The following DGKB variants were observed in gnomAD, a reference collection of about 807,000 sequenced individuals.
DGKB encodes the protein diacylglycerol kinase beta.
DGKB carries 67 observed loss-of-function variants against 114.3 expected under a neutral mutation model. The observed-to-expected ratio is 0.59, with a 90% confidence interval of 0.48 to 0.72. DGKB has a LOEUF of 0.72. Among genes scored for constraint, DGKB ranks in the 30% least tolerant of loss-of-function variants. The pLI, the probability that DGKB is intolerant of heterozygous loss-of-function variation, is 0.00. For synonymous variants in DGKB, 398 were observed against 323.1 expected, an observed-to-expected ratio of 1.23 and a Z score of -2.49; for missense variants, 907 against 975.2, an observed-to-expected ratio of 0.93 and a Z score of 0.93.
chr7:14,554,670 G>C (rs1795616954), intron 20 of DGKB, among the ~76,000 whole-genome samples: 1 of 152,072 alleles, frequency 6.6e-6, no homozygotes, highest in Non-Finnish European at 1.5e-5. Context: ...CAATAAGTAT[G>C]ACAGCATCAT....
chr7:14,325,942 T>G (rs1347813357), intron 23 of DGKB, among the ~76,000 whole-genome samples: 2 of 152,164 alleles, frequency 1.3e-5, no homozygotes, highest in African/African-American at 4.8e-5. Context: ...CATTTCTATT[T>G]AATCATTGTT....
intron 23 of DGKB, among the ~76,000 whole-genome samples, chr7:14,308,107 A>G (rs1804781036): frequency 1.3e-5 from 2 of 152,104 alleles, no homozygotes; most frequent in Non-Finnish European, 2.9e-5. Context: ...TTTTCTTTTT[A>G]TGTACTTCAA....
chr7:14,311,348 A>G (rs563688283), intron 23 of DGKB, among the ~76,000 whole-genome samples: 20 of 152,172 alleles, frequency 1.3e-4, no homozygotes, highest in Non-Finnish European at 2.4e-4. Flanking sequence ...GGTAGTTGGC[A>G]GATCCCCCAC....
At chr7:14,469,984 C>T (rs1366422889) in intron 21 of DGKB, among the ~76,000 whole-genome samples, 1 of 151,646 alleles carries the variant, frequency 6.6e-6, no homozygotes, top group Non-Finnish European at 1.5e-5. Flanking sequence ...TATAGGCAAA[C>T]CGTAATTTAG....
intron 21 of DGKB, among the ~76,000 whole-genome samples, chr7:14,476,819 A>G (rs940171385): frequency 3.3e-5 from 5 of 150,386 alleles, no homozygotes; most frequent in African/African-American, 1.2e-4. Flanking sequence ...CAATGGTGCA[A>G]TCTCAGCTCA....
chr7:14,807,060 A>G (rs1314543157), intron 2 of DGKB, among the ~76,000 whole-genome samples: 1 of 152,038 alleles, frequency 6.6e-6, no homozygotes. Flanking sequence ...AAAAAAAAAT[A>G]AAAAGCTGAG....
At chr7:14,340,168 T>C (rs1811372244) in intron 22 of DGKB, among the ~76,000 whole-genome samples, 1 of 150,244 alleles carries the variant, frequency 6.7e-6, no homozygotes, top group African/African-American at 2.4e-5. Context: ...GCTTTTTTTT[T>C]TTTTTTTTTT....
Position 14,656,753 on chromosome 7 carries a change from T to TACAC in DGKB, c.1134+16172_1134+16175dup, listed in dbSNP as rs56208974. ...ATATACAGTATATATATAGGATATA[T>TACAC]ACACACACACACACACACATATCCT... On this transcript the variant is annotated intron_variant, in intron 13 of 25. Transcript: ENST00000402815. Among the ~76,000 whole-genome samples the TACAC allele has an allele frequency of 1.1e-3, 162 of 149,280 alleles. 1 individual carries two copies. The highest frequency in any genetic ancestry group is 3.3e-3 in the Admixed American group (49 of 14,844).
chr7:14,660,864 C>T (rs1426632822), intron 13 of DGKB, among the ~76,000 whole-genome samples: 1 of 151,942 alleles, frequency 6.6e-6, no homozygotes. Flanking sequence ...AGATATAGAT[C>T]AATGGAACAG....
intron 2 of DGKB, among the ~76,000 whole-genome samples, chr7:14,802,506 T>C (rs879653014): frequency 2.0e-5 from 3 of 152,178 alleles, no homozygotes; most frequent in Admixed American, 2.0e-4. Flanking sequence ...CTGCAATGTC[T>C]CTGAAGATTT....
chr7:14,694,297 G>A, intron 8 of DGKB, 103 bp from the exon 9 acceptor site: 1 of 1,027,602 alleles, frequency 9.7e-7, no homozygotes, highest in Non-Finnish European at 1.4e-6. Context: ...GGAGAGTTGG[G>A]ATAACTGTCT....
chr7:14,887,418 C>CA (rs1423539709), intron 1 of DGKB, among the ~76,000 whole-genome samples: 1 of 151,596 alleles, frequency 6.6e-6, no homozygotes, highest in Non-Finnish European at 1.5e-5. Context: ...TTCTCTATTG[C>CA]AAAAAAATTG....
chr7:14,404,629 A>G (rs1472581444), intron 21 of DGKB, among the ~76,000 whole-genome samples: 10 of 151,926 alleles, frequency 6.6e-5, no homozygotes, highest in South Asian at 4.2e-4. Flanking sequence ...TTTTGAAACA[A>G]AACTTCCCAA....
intron 1 of DGKB, among the ~76,000 whole-genome samples, chr7:14,888,549 T>C (rs1464852129): frequency 1.3e-5 from 2 of 151,758 alleles, no homozygotes; most frequent in Non-Finnish European, 3.0e-5. Context: ...AAAATATAAA[T>C]GATATCCCCC....
intron 21 of DGKB, among the ~76,000 whole-genome samples, chr7:14,423,610 T>C (rs1563153943): frequency 6.6e-6 from 1 of 152,052 alleles, no homozygotes; most frequent in Non-Finnish European, 1.5e-5. Flanking sequence ...TACAATAACT[T>C]TGCAACTTTT....
At chr7:14,223,529 T>G (rs1790320058) in intron 23 of DGKB, among the ~76,000 whole-genome samples, 1 of 151,914 alleles carries the variant, frequency 6.6e-6, no homozygotes, top group Admixed American at 6.6e-5. Context: ...AAGAATAATA[T>G]ATATAAAAAA....
intron 21 of DGKB, among the ~76,000 whole-genome samples, chr7:14,436,346 A>G (rs1183751380): frequency 6.6e-6 from 1 of 152,178 alleles, no homozygotes; most frequent in African/African-American, 2.4e-5. Flanking sequence ...AGCATTATTA[A>G]ATAAATACAG....
At chr7:14,728,489 C>A (rs1003908539) in intron 5 of DGKB, among the ~76,000 whole-genome samples, 1 of 152,120 alleles carries the variant, frequency 6.6e-6, no homozygotes, top group African/African-American at 2.4e-5. Context: ...GTCTATCTTC[C>A]TCCAGTCTCC....
At chr7:14,760,470 A>C (rs1246686841) in intron 2 of DGKB, among the ~76,000 whole-genome samples, 1 of 152,126 alleles carries the variant, frequency 6.6e-6, no homozygotes, top group Non-Finnish European at 1.5e-5. Flanking sequence ...ACTGCATATC[A>C]AAAAGAGACA....
Sources: gnomAD v4.1 joint callset for allele counts (sites outside exome capture counted in the v4.1 genomes callset) on GRCh38, gnomAD v4.1.1 for gene constraint, MANE v1.5 for transcripts, NCBI Gene and HGNC (gene_info 2026-07-23, HGNC 2026-07-21) for gene names.